KIF3A: variants seen among roughly 807,000 people sequenced by gnomAD.
KIF3A encodes the protein kinesin family member 3A.
KIF3A carries 27 observed loss-of-function variants against 92.6 expected under a neutral mutation model. The ratio of observed to expected loss-of-function variants is 0.29; its 90% CI spans 0.21 to 0.40. The LOEUF (loss-of-function observed/expected upper bound fraction) is 0.40. Among genes scored for constraint, KIF3A ranks in the 10% least tolerant of loss-of-function variants. The pLI is 1.00. For synonymous variants in KIF3A, 250 were observed against 275.4 expected (o/e 0.91, Z 0.92); for missense variants, 581 against 872.6 (o/e 0.67, Z 4.21).
intron 8 of KIF3A, among the ~76,000 whole-genome samples, chr5:132,713,598 A>C (rs1753505729): frequency 6.6e-6 from 1 of 151,988 alleles, no homozygotes; most frequent in South Asian, 2.1e-4. Context: ...TTATCATAGA[A>C]TCCAGCAATT....
At chr5:132,724,802 AAAAAATATATAT>A (rs1561708583) in intron 4 of KIF3A, among the ~76,000 whole-genome samples, 16 of 33,328 alleles carry the variant, frequency 4.8e-4, no homozygotes, top group African/African-American at 1.9e-3. Context: ...TAAAAAAAAA[AAAAAATATATAT>A]ATATATATAT....
intron 17 of KIF3A, 49 bp downstream of exon 17, chr5:132,700,167 A>T (rs768525902): frequency 9.9e-7 from 1 of 1,012,292 alleles, no homozygotes; most frequent in Non-Finnish European, 1.5e-6. Flanking sequence ...CCTATAAAGA[A>T]ACAACAGTAG....
At chr5:132,721,055 G>A (rs897050091) in intron 4 of KIF3A, among the ~76,000 whole-genome samples, 1 of 152,094 alleles carries the variant, frequency 6.6e-6, no homozygotes, top group South Asian at 2.1e-4. Context: ...GGTAGGAGAA[G>A]AAGAAAATGT....
In KIF3A at chr5:132,713,390, C is replaced by A. The variant is rs1220769859; in HGVS notation, c.1130-2333G>T. ...TAAAAAATGTTAACATGAGGTGAAG[C>A]TGGGTGAAGGGTAGATAGGAACTCT... On this transcript the variant is annotated intron_variant, in intron 8 of 18. Coordinates refer to ENST00000403231, the MANE Select transcript of KIF3A (RefSeq NM_001300791.2). Among the ~76,000 whole-genome samples, 3 of 152,072 alleles carry A rather than the reference C, an allele frequency of 2.0e-5. No individual in the cohort carries two copies. In the East Asian group the frequency reaches 5.8e-4, roughly 29 times the overall value.
chr5:132,734,700 A>G (rs946061592), intron 1 of KIF3A, among the ~76,000 whole-genome samples: 1 of 152,212 alleles, frequency 6.6e-6, no homozygotes, highest in African/African-American at 2.4e-5. Context: ...TGTAAAAGGG[A>G]GAGAAGAGCT....
intron 10 of KIF3A, among the ~76,000 whole-genome samples, chr5:132,707,284 C>T (rs1753244476): frequency 6.6e-6 from 1 of 152,046 alleles, no homozygotes; most frequent in Non-Finnish European, 1.5e-5. Flanking sequence ...AAGCAAGAAA[C>T]ACCTTTTAAA....
In KIF3A at chr5:132,726,407, G is replaced by A; in HGVS notation, c.372C>T (p.Pro124=). 2 of 1,613,570 alleles carry A rather than the reference G, an allele frequency of 1.2e-6. No individual in the cohort carries two copies. The highest frequency in any genetic ancestry group is 2.2e-5 in the East Asian group (1 of 44,856). ...RAIPELRGII[P]NSFAHIFGHI... Reference sequence around the variant, plus strand: ...GACCAAATATGTGAGCAAATGAATTGGGAATTATTCCTCTAAGTTCAGGAA... The same window carrying A: ...GACCAAATATGTGAGCAAATGAATTAGGAATTATTCCTCTAAGTTCAGGAA... Residue 124 remains proline, a synonymous_variant, in exon 3 of 19, where the codon CCC becomes CCT. Transcript: ENST00000403231.
At position 132,724,807 on chromosome 5, in the gene KIF3A, ATATATAT is replaced by A. The variant is rs1417526388; in HGVS notation, c.510+1314_510+1320del. Reference sequence around the variant, plus strand: ...TAAAGTATAATAAAAAAAAAAAAAAATATATATATATATATATATATATATATATATA... The same window carrying A: ...TAAAGTATAATAAAAAAAAAAAAAAAATATATATATATATATATATATATA... On this transcript the variant is annotated intron_variant, in intron 4 of 18. Coordinates refer to ENST00000403231, the MANE Select transcript of KIF3A (RefSeq NM_001300791.2). Among the ~76,000 whole-genome samples the A allele has an allele frequency of 2.2e-3, 67 of 30,086 alleles. 1 individual carries two copies. The highest frequency in any genetic ancestry group is 4.0e-3 in the African/African-American group (35 of 8,834). The allele number at this position is 30,086 out of a possible 152,430, so 19.7% of individuals were successfully genotyped here.
At chr5:132,734,173 G>A in intron 2 of KIF3A, 32 bp downstream of exon 2, 1 of 1,538,554 alleles carries the variant, frequency 6.5e-7, no homozygotes, top group South Asian at 1.2e-5. Context: ...GTCTCAATAA[G>A]GGAGTTTTTT....
chr5:132,721,808 C>A (rs954387468), intron 4 of KIF3A, among the ~76,000 whole-genome samples: 2 of 151,824 alleles, frequency 1.3e-5, no homozygotes, highest in African/African-American at 2.4e-5. Flanking sequence ...GGCACTGAGG[C>A]GGCCACTGTA....
At chr5:132,699,771 C>T (rs1312434484) in intron 17 of KIF3A, among the ~76,000 whole-genome samples, 1 of 151,806 alleles carries the variant, frequency 6.6e-6, no homozygotes, top group Non-Finnish European at 1.5e-5. Context: ...ACTGTGTTAG[C>T]CAGGATGGTC....
chr5:132,715,778 G>A lies in KIF3A; in HGVS notation c.1108C>T (p.Leu370=). Residue 370 remains leucine, a synonymous_variant, in exon 8 of 19, where the codon CTG becomes TTG. Transcript: ENST00000403231. ...CTACCTTCTTCAAGCTTCTTTTTCAGTTCTTCTATTTCTTTCTGGAACTGA... is the reference window on the plus strand; with the variant it reads ...CTACCTTCTTCAAGCTTCTTTTTCAATTCTTCTATTTCTTTCTGGAACTGA... ...LRQFQKEIEE[L]KKKLEEGEEI... 1 of 1,606,442 alleles carries A rather than the reference G, an allele frequency of 6.2e-7. No homozygotes were observed. The highest frequency in any genetic ancestry group is 1.3e-5 in the African/African-American group (1 of 74,442).
intron 2 of KIF3A, among the ~76,000 whole-genome samples, chr5:132,728,223 A>G (rs1754102493): frequency 6.6e-6 from 1 of 151,580 alleles, no homozygotes; most frequent in Non-Finnish European, 1.5e-5. Context: ...TTTTTAAGAG[A>G]TGAGGTCTTG....
Position 132,699,310 on chromosome 5 carries a change from C to G in KIF3A, c.2008-15G>C, listed in dbSNP as rs952886437. ...ACCTCAAAGGGCTAAGTAAAAGAAA[C>G]AAACACAAAGCACTCTTAAGGCAAA... On this transcript the variant is annotated splice_polypyrimidine_tract_variant and intron_variant, in intron 17 of 18. Coordinates refer to ENST00000403231, the MANE Select transcript of KIF3A (RefSeq NM_001300791.2). 6 of 1,611,432 alleles carry G rather than the reference C, an allele frequency of 3.7e-6. No individual in the cohort carries two copies. Among genetic ancestry groups the G allele is most frequent in the East Asian group, 4.5e-5 (2 of 44,808 alleles).
At chr5:132,706,380 G>A in intron 11 of KIF3A, 71 bp downstream of exon 11, 1 of 1,089,336 alleles carries the variant, frequency 9.2e-7, no homozygotes, top group South Asian at 2.0e-5. Flanking sequence ...AAAATTTAAT[G>A]TATTTAAATA....
chr5:132,702,754 C>T lies in KIF3A; in HGVS notation c.1648-86G>A, dbSNP rs2149895283. The T allele has an allele frequency of 2.3e-6, 3 of 1,285,578 alleles. No individual in the cohort carries two copies. The East Asian group carries it at 7.0e-5, about 30-fold the overall frequency. The allele number at this position is 1,285,578 out of a possible 1,614,324, so 79.6% of individuals were successfully genotyped here. Reference sequence around the variant, plus strand: ...TTTAACAAATGACATAAATGTTTAGCAAATCTGATCTTCAAAGCAATCCAT... The same window carrying T: ...TTTAACAAATGACATAAATGTTTAGTAAATCTGATCTTCAAAGCAATCCAT... On this transcript the variant is annotated intron_variant, in intron 13 of 18. Transcript: ENST00000403231.
At chr5:132,716,818 T>C (rs1168579910) in intron 6 of KIF3A, 27 bp downstream of exon 6, 3 of 1,604,448 alleles carry the variant, frequency 1.9e-6, no homozygotes, top group African/African-American at 1.3e-5. Flanking sequence ...GAAAGAGTTA[T>C]TCCTTAAGCA....
chr5:132,724,852 TATATTA>T (rs1753983482), intron 4 of KIF3A, among the ~76,000 whole-genome samples: 1 of 27,074 alleles, frequency 3.7e-5, no homozygotes, highest in Non-Finnish European at 1.6e-4. Flanking sequence ...TATATATATA[TATATTA>T]AAAAATCATT....
At chr5:132,691,107 C>G (rs1277121418), downstream of KIF3A, among the ~76,000 whole-genome samples, 1 of 152,168 alleles carries the variant, frequency 6.6e-6, no homozygotes, top group African/African-American at 2.4e-5. Context: ...ATACTTCAAG[C>G]TTCTGAATGA....
Sources: allele counts gnomAD v4.1 joint callset (sites outside exome capture counted in the v4.1 genomes callset), GRCh38; gene constraint gnomAD v4.1.1; transcripts MANE v1.5; gene names NCBI Gene and HGNC (gene_info 2026-07-23, HGNC 2026-07-21).